TMEM178B: variants seen among roughly 807,000 people sequenced by gnomAD.
TMEM178B encodes transmembrane protein 178B.
TMEM178B carries 5 observed loss-of-function variants against 31.0 expected under a neutral mutation model. The ratio of observed to expected loss-of-function variants is 0.16; its 90% CI spans 0.08 to 0.34. TMEM178B has a LOEUF of 0.34. Among genes scored for constraint, TMEM178B ranks in the 10% least tolerant of loss-of-function variants. TMEM178B has a pLI of 1.00. For synonymous variants in TMEM178B, 164 were observed against 164.0 expected (o/e 1.00, Z 0.00); for missense variants, 275 against 400.3 (o/e 0.69, Z 2.67).
chr7:141,343,843 C>G (rs1799561640), intron 2 of TMEM178B, among the ~76,000 whole-genome samples: 1 of 152,126 alleles, frequency 6.6e-6, no homozygotes, highest in Non-Finnish European at 1.5e-5. Context: ...GCCACCGCGC[C>G]CAGCCGGGAA....
chr7:141,326,976 T>C (rs961619067), intron 2 of TMEM178B, among the ~76,000 whole-genome samples: 9 of 152,208 alleles, frequency 5.9e-5, no homozygotes, highest in Admixed American at 2.6e-4. Flanking sequence ...TAGCCATGTG[T>C]TGTTGGTGAC....
At chr7:141,316,616 C>T (rs1265215736) in intron 2 of TMEM178B, among the ~76,000 whole-genome samples, 1 of 152,104 alleles carries the variant, frequency 6.6e-6, no homozygotes, top group African/African-American at 2.4e-5. Context: ...ACATTTCCCA[C>T]ACGTTTACCT....
At chr7:141,127,562 G>A (rs1795519873) in intron 1 of TMEM178B, among the ~76,000 whole-genome samples, 1 of 152,162 alleles carries the variant, frequency 6.6e-6, no homozygotes, top group Admixed American at 6.5e-5. Flanking sequence ...GATACTGGAG[G>A]ATTACCAGAA....
chr7:141,374,003 A>AT (rs1489688078), intron 2 of TMEM178B, among the ~76,000 whole-genome samples: 2 of 152,192 alleles, frequency 1.3e-5, no homozygotes, highest in African/African-American at 4.8e-5. Context: ...ATGATTTTCA[A>AT]TAGGCCCTCC....
intron 1 of TMEM178B, among the ~76,000 whole-genome samples, chr7:141,113,453 A>T (rs1323687849): frequency 6.6e-6 from 1 of 152,210 alleles, no homozygotes; most frequent in African/African-American, 2.4e-5. Context: ...AGGTGAGGGC[A>T]TTGCACAGCC....
At position 141,453,185 on chromosome 7, in the gene TMEM178B, G is replaced by T. The variant is rs138024130; in HGVS notation, c.634+15440G>T. Among the ~76,000 whole-genome samples the T allele has an allele frequency of 2.5e-3, 385 of 152,352 alleles. 6 individuals are homozygous for T. Among genetic ancestry groups the T allele is most frequent in the African/African-American group, 8.8e-3 (367 of 41,584 alleles). Reference sequence around the variant, plus strand: ...TGCCTCATTGTGAGTGTCTTGGACAGTAGTGATCTAGTCATTTCCTAGCTT... The same window carrying T: ...TGCCTCATTGTGAGTGTCTTGGACATTAGTGATCTAGTCATTTCCTAGCTT... On this transcript the variant is annotated intron_variant, in intron 3 of 3. Coordinates refer to ENST00000565468, the MANE Select transcript of TMEM178B (RefSeq NM_001195278.2).
At chr7:141,281,904 G>A (rs1362982187) in intron 2 of TMEM178B, among the ~76,000 whole-genome samples, 2 of 152,172 alleles carry the variant, frequency 1.3e-5, no homozygotes, top group African/African-American at 4.8e-5. Flanking sequence ...CTGTCTGGAT[G>A]TTATTCTGGA....
intron 2 of TMEM178B, among the ~76,000 whole-genome samples, chr7:141,336,945 TCACCACCACCACCATCACTACC>T (rs1799410209): frequency 2.3e-5 from 1 of 43,594 alleles, no homozygotes; most frequent in Non-Finnish European, 4.7e-5. Context: ...ACCACCACCA[TCACCACCACCACCATCACTACC>T]ACCACCACCA....
intron 1 of TMEM178B, among the ~76,000 whole-genome samples, chr7:141,115,635 G>T (rs1795306467): frequency 6.6e-6 from 1 of 152,154 alleles, no homozygotes; most frequent in Admixed American, 6.5e-5. Context: ...TAAAAGTAGG[G>T]ATCAGGCGAA....
intron 2 of TMEM178B, among the ~76,000 whole-genome samples, chr7:141,396,290 G>C (rs1168506741): frequency 6.6e-6 from 1 of 152,190 alleles, no homozygotes; most frequent in East Asian, 1.9e-4. Context: ...TCCAAAGTAA[G>C]AAGAGTAAGA....
chr7:141,437,541 C>A, intron 2 of TMEM178B, 67 bp from the exon 3 acceptor site: 1 of 1,519,484 alleles, frequency 6.6e-7, no homozygotes, highest in Non-Finnish European at 8.8e-7. Context: ...CACCCCAGGG[C>A]TGGGGTATAC....
intron 2 of TMEM178B, 87 bp downstream of exon 2, chr7:141,212,791 G>A: frequency 9.5e-7 from 1 of 1,054,946 alleles, no homozygotes; most frequent in South Asian, 1.4e-5. Context: ...CTCCTTCTGG[G>A]ATCTGTGGAT....
intron 1 of TMEM178B, chr7:141,173,288 A>AATTTAC (rs903560921): frequency 2.6e-5 from 4 of 152,258 alleles, no homozygotes; most frequent in African/African-American, 9.6e-5. Context: ...CGAAGGCAAG[A>AATTTAC]ACAATGTCAT....
chr7:141,444,573 C>T (rs918214747), intron 3 of TMEM178B, among the ~76,000 whole-genome samples: 1 of 152,180 alleles, frequency 6.6e-6, no homozygotes, highest in Admixed American at 6.5e-5. Flanking sequence ...GTATGAATTA[C>T]ACTTGAATTC....
At chr7:141,273,177 A>G (rs1586863140) in intron 2 of TMEM178B, among the ~76,000 whole-genome samples, 1 of 152,242 alleles carries the variant, frequency 6.6e-6, no homozygotes, top group East Asian at 1.9e-4. Context: ...AAAAAAATCA[A>G]ACTCGTGGAA....
At chr7:141,317,033 G>A (rs1359004396) in intron 2 of TMEM178B, among the ~76,000 whole-genome samples, 3 of 152,030 alleles carry the variant, frequency 2.0e-5, no homozygotes, top group Non-Finnish European at 4.4e-5. Flanking sequence ...ATATATCAAG[G>A]AAGATGACCC....
intron 1 of TMEM178B, among the ~76,000 whole-genome samples, chr7:141,129,114 A>G (rs912048838): frequency 6.6e-6 from 1 of 152,164 alleles, no homozygotes; most frequent in African/African-American, 2.4e-5. Flanking sequence ...CTGACTGCCC[A>G]TTTCAGGGAT....
intron 1 of TMEM178B, among the ~76,000 whole-genome samples, chr7:141,198,050 C>T (rs1487358929): frequency 2.3e-5 from 2 of 86,068 alleles, no homozygotes; most frequent in African/African-American, 7.2e-5. Flanking sequence ...CTAATCTCTT[C>T]TTTCCCTCTC....
intron 2 of TMEM178B, among the ~76,000 whole-genome samples, chr7:141,330,992 C>G (rs1799290028): frequency 6.6e-6 from 1 of 152,152 alleles, no homozygotes; most frequent in Non-Finnish European, 1.5e-5. Flanking sequence ...AAGCATGCCT[C>G]CAAGCCTTTT....
Sources: allele counts gnomAD v4.1 joint callset (sites outside exome capture counted in the v4.1 genomes callset), GRCh38; gene constraint gnomAD v4.1.1; transcripts MANE v1.5; gene names NCBI Gene and HGNC (gene_info 2026-07-23, HGNC 2026-07-21).